Variants in NALF1 observed in about 807,000 individuals in gnomAD.
NALF1 encodes NALCN channel auxiliary factor 1, also known as family with sequence similarity 155 member A.
In NALF1, 3 loss-of-function variants were observed where a neutral mutation model predicts 48.4. That is an observed-to-expected ratio of 0.06 (90% CI 0.03 to 0.16). The LOEUF (loss-of-function observed/expected upper bound fraction) is 0.16. NALF1 is among the 10% of genes least tolerant of loss of function. The pLI is 1.00. For synonymous variants in NALF1, 262 were observed against 245.7 expected (o/e 1.07, Z -0.62); for missense variants, 526 against 571.5 (o/e 0.92, Z 0.81).
chr13:107,800,939 ACTT>A (rs938533615), intron 1 of NALF1, among the ~76,000 whole-genome samples: 18 of 152,110 alleles, frequency 1.2e-4, no homozygotes, highest in Admixed American at 2.6e-4. Context: ...GACATTCAGA[ACTT>A]CTTCTATCAA....
chr13:107,472,928 G>A (rs1188104720), intron 1 of NALF1, among the ~76,000 whole-genome samples: 1 of 152,116 alleles, frequency 6.6e-6, no homozygotes, highest in Non-Finnish European at 1.5e-5. Context: ...TAATACTGGG[G>A]AGAAACAGAA....
intron 1 of NALF1, among the ~76,000 whole-genome samples, chr13:107,497,869 A>C (rs1201812057): frequency 6.6e-6 from 1 of 152,188 alleles, no homozygotes; most frequent in African/African-American, 2.4e-5. Context: ...AATACAAAAC[A>C]ACGAAATCAC....
At chr13:107,206,684 G>C (rs1879650867) in intron 2 of NALF1, among the ~76,000 whole-genome samples, 1 of 152,170 alleles carries the variant, frequency 6.6e-6, no homozygotes, top group South Asian at 2.1e-4. Context: ...GGAAGAACTT[G>C]AGATCTCTAA....
At chr13:107,804,332 G>C (rs1222766458) in intron 1 of NALF1, among the ~76,000 whole-genome samples, 2 of 151,990 alleles carry the variant, frequency 1.3e-5, no homozygotes, top group Non-Finnish European at 2.9e-5. Flanking sequence ...GGGAGACAGA[G>C]AGAAAAAGAC....
At chr13:107,542,571 AG>A (rs1435630287) in intron 1 of NALF1, among the ~76,000 whole-genome samples, 2 of 152,292 alleles carry the variant, frequency 1.3e-5, no homozygotes, top group East Asian at 1.9e-4. Context: ...TTCACTTAAA[AG>A]AACCAGACAT....
chr13:107,864,354 A>G (rs910426102), intron 1 of NALF1, among the ~76,000 whole-genome samples: 2 of 152,236 alleles, frequency 1.3e-5, no homozygotes, highest in African/African-American at 4.8e-5. Context: ...AAGCACAACT[A>G]ATCCGCCCAA....
chr13:107,251,002 G>A (rs977480749), intron 1 of NALF1, among the ~76,000 whole-genome samples: 11 of 152,080 alleles, frequency 7.2e-5, no homozygotes, highest in African/African-American at 2.4e-4. Flanking sequence ...CTGCAGAACC[G>A]TGAGCCAACT....
intron 1 of NALF1, among the ~76,000 whole-genome samples, chr13:107,519,787 C>T (rs1876176700): frequency 6.6e-6 from 1 of 152,078 alleles, no homozygotes; most frequent in South Asian, 2.1e-4. Context: ...CTTGATATTA[C>T]CAAGATTAGC....
intron 1 of NALF1, among the ~76,000 whole-genome samples, chr13:107,360,589 T>C (rs1883043983): frequency 6.6e-6 from 1 of 152,172 alleles, no homozygotes; most frequent in Admixed American, 6.5e-5. Context: ...ATTTAATGTA[T>C]ATTCCTACCT....
intron 1 of NALF1, among the ~76,000 whole-genome samples, chr13:107,495,724 T>C (rs1875312474): frequency 6.6e-6 from 1 of 152,184 alleles, no homozygotes; most frequent in Non-Finnish European, 1.5e-5. Context: ...GTAGACAAGA[T>C]GGTTATCATT....
chr13:107,459,326 T>C (rs1437983999), intron 1 of NALF1, among the ~76,000 whole-genome samples: 1 of 151,998 alleles, frequency 6.6e-6, no homozygotes, highest in African/African-American at 2.4e-5. Context: ...AAAAGAGTTG[T>C]CTTCACTTCG....
At chr13:107,681,384 T>C (rs1434713500) in intron 1 of NALF1, among the ~76,000 whole-genome samples, 1 of 152,110 alleles carries the variant, frequency 6.6e-6, no homozygotes, top group African/African-American at 2.4e-5. Flanking sequence ...ACTGGTCTGG[T>C]GGAGCTGGGG....
intron 1 of NALF1, among the ~76,000 whole-genome samples, chr13:107,862,190 G>A (rs1703599): frequency 0.58 from 88,010 of 151,896 alleles, 25,707 homozygotes; most frequent in African/African-American, 0.66. Context: ...AGCTATCAAT[G>A]ACTTTAGAAG....
intron 1 of NALF1, among the ~76,000 whole-genome samples, chr13:107,625,846 C>T (rs1197680759): frequency 6.6e-6 from 1 of 152,104 alleles, no homozygotes; most frequent in East Asian, 1.9e-4. Context: ...ATTATTTTCT[C>T]TGAACTGACA....
intron 1 of NALF1, among the ~76,000 whole-genome samples, chr13:107,282,480 G>A (rs1473532420): frequency 1.3e-5 from 2 of 152,188 alleles, no homozygotes; most frequent in Non-Finnish European, 2.9e-5. Flanking sequence ...CCCCAAGGTG[G>A]CCACTAGTGA....
chr13:107,761,550 A>T (rs914815617), intron 1 of NALF1, among the ~76,000 whole-genome samples: 3 of 152,158 alleles, frequency 2.0e-5, no homozygotes, highest in Non-Finnish European at 4.4e-5. Flanking sequence ...AAGAGGACTG[A>T]CTAGTTTTGT....
At chr13:107,250,226 C>A (rs2138843427) in intron 1 of NALF1, among the ~76,000 whole-genome samples, 1 of 152,046 alleles carries the variant, frequency 6.6e-6, no homozygotes, top group South Asian at 2.1e-4. Flanking sequence ...CACCAGAAAC[C>A]ACATTATCTG....
chr13:107,660,398 C>T (rs1211711209), intron 1 of NALF1, among the ~76,000 whole-genome samples: 4 of 150,492 alleles, frequency 2.7e-5, no homozygotes, highest in Admixed American at 6.7e-5. Context: ...TGCACCACTG[C>T]ACTCCAGCCA....
intron 1 of NALF1, among the ~76,000 whole-genome samples, chr13:107,376,313 G>A (rs900525933): frequency 3.3e-5 from 5 of 152,130 alleles, no homozygotes; most frequent in African/African-American, 9.7e-5. Flanking sequence ...GTAATTTGTT[G>A]TGAAGCGATA....
Sources: allele counts gnomAD v4.1 joint callset (sites outside exome capture counted in the v4.1 genomes callset), GRCh38; gene constraint gnomAD v4.1.1; transcripts MANE v1.5; gene names NCBI Gene and HGNC (gene_info 2026-07-23, HGNC 2026-07-21).